Variants in RGSL1 observed in about 807,000 individuals in gnomAD.
The protein encoded by RGSL1 is regulator of G protein signaling like 1.
In RGSL1, 97 loss-of-function variants were observed where a neutral mutation model predicts 124.7. The ratio of observed to expected loss-of-function variants is 0.78; its 90% CI spans 0.66 to 0.92. The LOEUF is 0.92. Among genes scored for constraint, RGSL1 ranks in the 40% least tolerant of loss-of-function variants. The probability of loss-of-function intolerance (pLI) is 0.00; values close to 1 mark genes in which losing one functional copy is unlikely to be tolerated. For synonymous variants in RGSL1, 424 were observed against 438.1 expected (o/e 0.97, Z 0.40); for missense variants, 1,233 against 1,288.4 (o/e 0.96, Z 0.66).
intron 9 of RGSL1, among the ~76,000 whole-genome samples, chr1:182,495,680 G>A (rs1655860867): frequency 6.6e-6 from 1 of 152,158 alleles, no homozygotes; most frequent in Admixed American, 6.5e-5. Flanking sequence ...GAGGGCTTCA[G>A]CTGTTTATTT....
At chr1:182,472,269 A>G (rs1219144726) in intron 4 of RGSL1, 127 bp from the exon 5 acceptor site, 7 of 864,332 alleles carry the variant, frequency 8.1e-6, no homozygotes, top group Non-Finnish European at 1.2e-5. Flanking sequence ...CCTTGAACCA[A>G]TCACCAGGAA....
chr1:182,538,953 A>C (rs1028910814), intron 14 of RGSL1, among the ~76,000 whole-genome samples: 2 of 152,236 alleles, frequency 1.3e-5, no homozygotes, highest in Admixed American at 6.5e-5. Context: ...GCATTTGGTG[A>C]CTAATTGGAT....
chr1:182,527,466 A>G (rs1270119344), intron 10 of RGSL1, 113 bp from the exon 11 acceptor site: 2 of 824,700 alleles, frequency 2.4e-6, no homozygotes. Flanking sequence ...TGCTTTTCAC[A>G]TATGGCTAAA....
At chr1:182,518,632 T>G (rs1180562878) in intron 9 of RGSL1, among the ~76,000 whole-genome samples, 1 of 152,194 alleles carries the variant, frequency 6.6e-6, no homozygotes, top group Non-Finnish European at 1.5e-5. Context: ...GTGGAGAAGC[T>G]GCTTTTAAAC....
intron 9 of RGSL1, among the ~76,000 whole-genome samples, chr1:182,493,335 T>C (rs1054419533): frequency 6.6e-6 from 1 of 152,234 alleles, no homozygotes; most frequent in African/African-American, 2.4e-5. Context: ...GATGTAATCA[T>C]AAATGAATGA....
In RGSL1 at chr1:182,473,587, A is replaced by G; in HGVS notation, c.476A>G (p.Asn159Ser). The stretch of plus-strand genomic sequence containing the variant: ...GTATTATTTCCAGAGTCCCTCCTGA[A>G]CCTCTCCATCTGGCATCCCAACCAA... ...LCNMNIKSLL[N>S]LSIWHPNQST... is the part of the protein sequence containing the mutation. The change falls in exon 6 of 22, where the codon AAC becomes AGC. Residue 159 changes from asparagine (N) to serine (S), a missense_variant. Asn to Ser is a conservative substitution (Grantham distance 46, BLOSUM62 1). Transcript: ENST00000294854. 6.5e-7 allele frequency: 1 copy of G among 1,545,440 alleles called. No individual in the cohort carries two copies. Among genetic ancestry groups the G allele is most frequent in the South Asian group, 1.2e-5 (1 of 82,884 alleles).
chr1:182,540,238 C>T lies in RGSL1; in HGVS notation c.2495-9C>T, dbSNP rs1659804337. The T allele has an allele frequency of 6.5e-7, 1 of 1,530,326 alleles. No homozygotes were observed. The highest frequency in any genetic ancestry group is 8.8e-7 in the Non-Finnish European group (1 of 1,138,204). 94.8% of individuals were successfully genotyped at this position (1,530,326 alleles called of 1,614,324 possible). A position where few individuals can be genotyped will look rare whatever the true frequency, so the allele number is the denominator to read the frequency against. On this transcript the variant is annotated splice_polypyrimidine_tract_variant and intron_variant, in intron 14 of 21. Coordinates refer to ENST00000294854, the MANE Select transcript of RGSL1 (RefSeq NM_001137669.2). ...ACAAAATTGTAATTCCTTCTTCTTT[C>T]TCTCTCAGATTTCACCACAGCACAC...
rs1466566972 is a variant in RGSL1, at chr1:182,472,332, A to G, written c.302-64A>G. The G allele has an allele frequency of 7.6e-6, 11 of 1,442,674 alleles. No individual in the cohort carries two copies. In the Admixed American group the frequency reaches 2.4e-4, roughly 31 times the overall value. 89.4% of individuals were successfully genotyped at this position (1,442,674 alleles called of 1,614,324 possible). ...GTGGGGGATGTCAGTTGATTCACCC[A>G]GATGCAACCACCAAAGGGGCAAAAC... On this transcript the variant is annotated intron_variant, in intron 4 of 21. Coordinates refer to ENST00000294854, the MANE Select transcript of RGSL1 (RefSeq NM_001137669.2).
At chr1:182,558,301 G>A (rs2102348919) in intron 21 of RGSL1, among the ~76,000 whole-genome samples, 1 of 152,210 alleles carries the variant, frequency 6.6e-6, no homozygotes, top group East Asian at 1.9e-4. Flanking sequence ...AGGGGCCACT[G>A]CCGTCTAAGG....
intron 9 of RGSL1, 86 bp from the exon 10 acceptor site, chr1:182,521,918 T>G: frequency 1.1e-6 from 1 of 910,566 alleles, no homozygotes; most frequent in Non-Finnish European, 1.7e-6. Flanking sequence ...TCACATGAAC[T>G]TTATGTCTGA....
At chr1:182,495,714 A>G (rs745451695) in intron 9 of RGSL1, among the ~76,000 whole-genome samples, 3 of 152,186 alleles carry the variant, frequency 2.0e-5, no homozygotes, top group Non-Finnish European at 4.4e-5. Context: ...GAGATGGTCC[A>G]TTCATGAAAC....
At chr1:182,459,399 T>C (rs1652621907) in intron 3 of RGSL1, among the ~76,000 whole-genome samples, 1 of 152,194 alleles carries the variant, frequency 6.6e-6, no homozygotes, top group Non-Finnish European at 1.5e-5. Context: ...ACAACAAGGT[T>C]TCGCTTTCCC....
chr1:182,468,839 TA>T (rs1262154859), intron 4 of RGSL1, among the ~76,000 whole-genome samples: 2 of 150,346 alleles, frequency 1.3e-5, no homozygotes, highest in African/African-American at 4.9e-5. Context: ...AAAGACAGAG[TA>T]GAATAAAAAG....
chr1:182,536,280 T>C (rs1442747374), intron 14 of RGSL1, among the ~76,000 whole-genome samples: 1 of 152,200 alleles, frequency 6.6e-6, no homozygotes, highest in Non-Finnish European at 1.5e-5. Context: ...AGTATTTGCA[T>C]GGACATATGT....
At position 182,506,104 on chromosome 1, in the gene RGSL1, G is replaced by A. The variant is rs543644361; in HGVS notation, c.1825+12975G>A. Among the ~76,000 whole-genome samples, 168 of 152,108 alleles carry A rather than the reference G, an allele frequency of 1.1e-3. 1 individual carries two copies. The highest frequency in any genetic ancestry group is 3.4e-3 in the Middle Eastern group (1 of 294). The stretch of plus-strand genomic sequence containing the variant: ...AGATTTAATCTCTTCAAAATATATA[G>A]GACTGCTTAGATTTTCTATTTCTTT... On this transcript the variant is annotated intron_variant, in intron 9 of 21. Transcript: ENST00000294854.
rs779286698 is a variant in RGSL1 at position 182,476,828 on chromosome 1, C to T, written c.1431+2286C>T. Among the ~76,000 whole-genome samples, 47 of 152,074 alleles carry T rather than the reference C, an allele frequency of 3.1e-4. 2 individuals are homozygous for T. Among genetic ancestry groups the T allele is most frequent in the Admixed American group, 2.0e-4 (3 of 15,266 alleles). On this transcript the variant is annotated intron_variant, in intron 6 of 21. Coordinates refer to ENST00000294854, the MANE Select transcript of RGSL1 (RefSeq NM_001137669.2). ...TGCTCATCATCAACTGTGCCAGGCA[C>T]GCTGCCAGCTTGGCTGTGCTCTGTA...
At chr1:182,515,444 C>T (rs1657792515) in intron 9 of RGSL1, among the ~76,000 whole-genome samples, 1 of 151,088 alleles carries the variant, frequency 6.6e-6, no homozygotes, top group South Asian at 2.1e-4. Context: ...CTCAAATGGG[C>T]CCTGGCGAAT....
chr1:182,554,527 G>A (rs756501474), intron 19 of RGSL1, 100 bp from the exon 20 acceptor site: 28 of 992,990 alleles, frequency 2.8e-5, no homozygotes, highest in Middle Eastern at 5.0e-4. Context: ...GGAGGTGTCC[G>A]TGGAAGCCCA....
intron 15 of RGSL1, among the ~76,000 whole-genome samples, chr1:182,544,493 G>A (rs747271181): frequency 9.9e-5 from 15 of 152,050 alleles, no homozygotes; most frequent in Non-Finnish European, 1.5e-4. Flanking sequence ...TTCTGTAAAT[G>A]TCAGTTAGGC....
Sources: gnomAD v4.1 joint callset for allele counts (sites outside exome capture counted in the v4.1 genomes callset) on GRCh38, gnomAD v4.1.1 for gene constraint, MANE v1.5 for transcripts, NCBI Gene and HGNC (gene_info 2026-07-23, HGNC 2026-07-21) for gene names.